The following ACAP1 variants were observed in gnomAD, a reference collection of about 807,000 sequenced individuals.
ACAP1 encodes ArfGAP with coiled-coil, ankyrin repeat and PH domains 1, also known as arf-GAP with coiled-coil, ANK repeat and PH domain-containing protein 1.
In ACAP1, 45 loss-of-function variants were observed where a neutral mutation model predicts 98.8. That is an observed-to-expected ratio of 0.46 (90% CI 0.36 to 0.58). The LOEUF (loss-of-function observed/expected upper bound fraction) is 0.58. ACAP1 is among the 20% of genes least tolerant of loss of function. The pLI is 0.00. For synonymous variants in ACAP1, 362 were observed against 375.3 expected, an observed-to-expected ratio of 0.96 and a Z score of 0.41; for missense variants, 735 against 971.4, an observed-to-expected ratio of 0.76 and a Z score of 3.24.
rs966116249 is a variant in ACAP1, at chr17:7,344,788, G to A, written c.854+140G>A. ...TTTCATTCCATCAGCAAAGACAGAG[G>A]ATAAACCTAGTATGTAAATTACGTG... is the stretch of plus-strand genomic sequence containing the variant. On this transcript the variant is annotated intron_variant, in intron 10 of 21. Coordinates refer to ENST00000158762, the MANE Select transcript of ACAP1 (RefSeq NM_014716.4). The surrounding 1 kb of genome is among the most constrained non-coding windows in gnomAD (Gnocchi z 4.9). 4.7e-6 allele frequency: 3 copies of A among 635,952 alleles called. No homozygotes were observed. The highest frequency in any genetic ancestry group is 3.7e-5 in the African/African-American group (2 of 54,698). The allele number at this position is 635,952 out of a possible 1,614,324, so 39.4% of individuals were successfully genotyped here. A position where few individuals can be genotyped will look rare whatever the true frequency, so the allele number is the denominator to read the frequency against.
intron 17 of ACAP1, 74 bp from the exon 18 acceptor site, chr17:7,348,921 T>C (rs1186723118): frequency 4.5e-5 from 62 of 1,363,716 alleles, no homozygotes; most frequent in Non-Finnish European, 5.6e-5. Context: ...CATTATAGCA[T>C]TGGGACACTG....
intron 10 of ACAP1, chr17:7,345,860 T>TA (rs2073341081): frequency 1.0e-5 from 2 of 198,378 alleles, no homozygotes. Flanking sequence ...ACCATATTGG[T>TA]CAGGGTGGTC....
At chr17:7,337,098 C>T (rs2073227943) in intron 1 of ACAP1, among the ~76,000 whole-genome samples, 1 of 152,186 alleles carries the variant, frequency 6.6e-6, no homozygotes. Context: ...GCCCTGGCCA[C>T]ATCCACCCTC....
chr17:7,336,831 A>G (rs2073224810), intron 1 of ACAP1, 44 bp downstream of exon 1: 1 of 1,598,138 alleles, frequency 6.3e-7, no homozygotes, highest in Admixed American at 1.7e-5. Flanking sequence ...GGAAAGTCTA[A>G]CACCCCCAGC....
rs768313667 is a variant in ACAP1, at chr17:7,343,960, G to C, written c.669+4G>C. On this transcript the variant is annotated splice_donor_region_variant and intron_variant, in intron 8 of 21. Transcript: ENST00000158762. This position sits in a 1 kb window ranked among gnomAD's most constrained non-coding sequence, Gnocchi z 4.9. The stretch of plus-strand genomic sequence containing the variant: ...TCGAAAGGAGCTGGGCGCCCAGGTG[G>C]GGCCCCAGGGCACAGCAGGTGGTAG... 3 of 1,583,202 alleles carry C rather than the reference G, an allele frequency of 1.9e-6. No homozygotes were observed. Among genetic ancestry groups the C allele is most frequent in the Non-Finnish European group, 2.6e-6 (3 of 1,164,026 alleles).
At chr17:7,349,462 G>A (rs971047916) in intron 18 of ACAP1, 41 of 307,574 alleles carry the variant, frequency 1.3e-4, no homozygotes, top group African/African-American at 5.9e-4. Context: ...TGCAAGCTCC[G>A]CCTCCCGGGT....
rs755676233 is a variant in ACAP1 at position 7,348,392 on chromosome 17, G to A, written c.1595G>A (p.Gly532Asp). The change falls in exon 17 of 22, where the codon GGC becomes GAC. Residue 532 changes from glycine to aspartate, a missense_variant. Around this residue, in one of 5 missense-constraint regions of ACAP1, gnomAD observed 80 missense variants for 64.4 expected, o/e 1.24. Coordinates refer to ENST00000158762, the MANE Select transcript of ACAP1 (RefSeq NM_014716.4). ...KLPEIRGRRG[G>D]RGRPRGQPPV... ...CCTGAGATTCGAGGGCGAAGAGGTG[G>A]CCGGGGGCGCCCAAGGGGGCAGCCT... 6.4e-7 allele frequency: 1 copy of A among 1,560,368 alleles called. No individual in the cohort carries two copies. Among genetic ancestry groups the A allele is most frequent in the Non-Finnish European group, 8.7e-7 (1 of 1,152,602 alleles).
chr17:7,341,746 TG>T (rs1311273379), intron 2 of ACAP1, among the ~76,000 whole-genome samples: 1 of 151,994 alleles, frequency 6.6e-6, no homozygotes, highest in Non-Finnish European at 1.5e-5. Context: ...CCCAAGGCAG[TG>T]GGAGCAAAGA....
chr17:7,351,429 T>TC lies in ACAP1; in HGVS notation c.*38dup, dbSNP rs775819937. On this transcript the variant is annotated 3_prime_UTR_variant, in exon 22 of 22. Transcript: ENST00000158762. ...CCACGGGGCCCGCGCCTGCCTCCCTTCCCCGCCACCGGGCCCTCTGCCATT... is the reference window on the plus strand; with the variant it reads ...CCACGGGGCCCGCGCCTGCCTCCCTTCCCCCGCCACCGGGCCCTCTGCCATT... 1 of 1,510,718 alleles carries TC rather than the reference T, an allele frequency of 6.6e-7. No individual in the cohort carries two copies. The highest frequency in any genetic ancestry group is 9.1e-7 in the Non-Finnish European group (1 of 1,097,676). The allele number at this position is 1,510,718 out of a possible 1,614,324, so 93.6% of individuals were successfully genotyped here. A position where few individuals can be genotyped will look rare whatever the true frequency, so the allele number is the denominator to read the frequency against.
chr17:7,342,209 G>T (rs758196219), intron 3 of ACAP1, 66 bp from the exon 4 acceptor site: 84 of 1,608,724 alleles, frequency 5.2e-5, no homozygotes, highest in Non-Finnish European at 6.9e-5. Flanking sequence ...TAGCAGGCTG[G>T]GTCTCGAGTC....
intron 2 of ACAP1, among the ~76,000 whole-genome samples, chr17:7,338,489 C>T (rs2073243092): frequency 6.6e-6 from 1 of 152,018 alleles, no homozygotes; most frequent in African/African-American, 2.4e-5. Context: ...TCTTGAACTC[C>T]TGACCTCAAA....
intron 14 of ACAP1, 43 bp downstream of exon 14, chr17:7,347,285 C>T (rs781302594): frequency 6.5e-7 from 1 of 1,548,464 alleles, no homozygotes; most frequent in Non-Finnish European, 8.8e-7. Flanking sequence ...TCCTTCGGGC[C>T]ACAGTGCGGC....
At chr17:7,341,764 G>A (rs541748818) in intron 2 of ACAP1, among the ~76,000 whole-genome samples, 184 bp from the exon 3 acceptor site, 7 of 152,318 alleles carry the variant, frequency 4.6e-5, no homozygotes, top group East Asian at 3.9e-4. Context: ...AAGACGCAGC[G>A]ATAAGAACAC....
rs2073324036 is a variant in ACAP1, at chr17:7,344,040, T to TGTGC, written c.670-8_670-5dup. The TGTGC allele has an allele frequency of 6.3e-7, 1 of 1,588,964 alleles. No homozygotes were observed. The highest frequency in any genetic ancestry group is 1.7e-4 in the Middle Eastern group (1 of 6,040). On this transcript the variant is annotated splice_polypyrimidine_tract_variant and intron_variant, in intron 8 of 21. Coordinates refer to ENST00000158762, the MANE Select transcript of ACAP1 (RefSeq NM_014716.4). The surrounding 1 kb of genome is among the most constrained non-coding windows in gnomAD (Gnocchi z 4.9). ...CCTTGGACATCTGAGATGCCCTTCC[T>TGTGC]GTGCCCAGTTGCACCAGCTGGTCTT...
intron 2 of ACAP1, among the ~76,000 whole-genome samples, chr17:7,338,702 C>G (rs1460394838): frequency 6.6e-6 from 1 of 151,790 alleles, no homozygotes; most frequent in African/African-American, 2.4e-5. Flanking sequence ...CCACGCCTGG[C>G]TTTTTTAAAT....
chr17:7,346,278 T>G lies in ACAP1; in HGVS notation c.889T>G (p.Tyr297Asp). 1 of 1,614,242 alleles carries G rather than the reference T, an allele frequency of 6.2e-7. No individual in the cohort carries two copies. Among genetic ancestry groups the G allele is most frequent in the Admixed American group, 1.7e-5 (1 of 60,030 alleles). The change falls in exon 11 of 22, where the codon TAC becomes GAC. Residue 297 changes from tyrosine to aspartate, a missense_variant. Tyr to Asp is a radical substitution (Grantham distance 160). Coordinates refer to ENST00000158762, the MANE Select transcript of ACAP1 (RefSeq NM_014716.4). ...WFTIQSNQLV[Y>D]QKKYKDPVTV... ...CACCATTCAGAGCAACCAACTGGTT[T>G]ACCAGAAGAAGTACAAGGTGAGTGG... is the stretch of plus-strand genomic sequence containing the variant.
intron 17 of ACAP1, 62 bp downstream of exon 17, chr17:7,348,537 C>A (rs1268045722): frequency 2.1e-6 from 3 of 1,428,670 alleles, no homozygotes; most frequent in Non-Finnish European, 2.8e-6. Context: ...TGCCAGGTAG[C>A]GCCGGGAGGC....
chr17:7,341,989 T>C lies in ACAP1; in HGVS notation c.153T>C (p.His51=). Residue 51 remains histidine (H), a synonymous_variant, in exon 3 of 22, where the codon CAT becomes CAC. Coordinates refer to ENST00000158762, the MANE Select transcript of ACAP1 (RefSeq NM_014716.4). ...CTGGTCTCCTGGAAAGTGGGCGCCATTACCTTGCTGCCAGCCGCGCCTTCG... is the reference window on the plus strand; with the variant it reads ...CTGGTCTCCTGGAAAGTGGGCGCCACTACCTTGCTGCCAGCCGCGCCTTCG... ...LGTGLLESGR[H]YLAASRAFVV... 1 of 1,614,134 alleles carries C rather than the reference T, an allele frequency of 6.2e-7. No homozygotes were observed. The highest frequency in any genetic ancestry group is 8.5e-7 in the Non-Finnish European group (1 of 1,179,998).
In ACAP1 at chr17:7,336,805, T is replaced by TG. The variant is rs749150427; in HGVS notation, c.53+24dup. 2 of 1,612,610 alleles carry TG rather than the reference T, an allele frequency of 1.2e-6. No individual in the cohort carries two copies. Among genetic ancestry groups the TG allele is most frequent in the Non-Finnish European group, 1.7e-6 (2 of 1,178,686 alleles). On this transcript the variant is annotated intron_variant, in intron 1 of 21. Transcript: ENST00000158762. ...CGTTTCCGGTAAGTGTGAACTGGTC[T>TG]GGGGGGCTAAGGAGGGGAAAGTCTA...
Sources: allele counts gnomAD v4.1 joint callset (sites outside exome capture counted in the v4.1 genomes callset), GRCh38; gene constraint gnomAD v4.1.1; regional missense constraint gnomAD v4.1.1; non-coding constraint Gnocchi (gnomAD v3.1); transcripts MANE v1.5; gene names NCBI Gene and HGNC (gene_info 2026-07-23, HGNC 2026-07-21).